MB21D2: variants seen among roughly 807,000 people sequenced by gnomAD.
MB21D2 encodes nucleotidyltransferase MB21D2.
In MB21D2, 9 loss-of-function variants were observed where a neutral mutation model predicts 33.3. That is an observed-to-expected ratio of 0.27 (90% CI 0.16 to 0.47). MB21D2 has a LOEUF of 0.47. Ranked by LOEUF, MB21D2 falls within the 20% of genes least tolerant of loss-of-function variation. MB21D2 has a pLI of 0.99. For missense variants in MB21D2, 540 were observed against 624.6 expected, an observed-to-expected ratio of 0.86 and a Z score of 1.44; for synonymous variants, 241 against 236.3, an observed-to-expected ratio of 1.02 and a Z score of -0.18.
chr3:192,896,752 C>T (rs1713982961), intron 1 of MB21D2, among the ~76,000 whole-genome samples: 1 of 152,196 alleles, frequency 6.6e-6, no homozygotes, highest in South Asian at 2.1e-4. Flanking sequence ...TGGCTAGTTA[C>T]TGAGTATCTC....
intron 1 of MB21D2, among the ~76,000 whole-genome samples, chr3:192,841,722 T>C (rs1181293590): frequency 6.6e-6 from 1 of 152,258 alleles, no homozygotes; most frequent in African/African-American, 2.4e-5. Context: ...AATATGTATT[T>C]GTTGTTTTAC....
intron 1 of MB21D2, among the ~76,000 whole-genome samples, chr3:192,863,706 G>C (rs1713102532): frequency 6.6e-6 from 1 of 152,074 alleles, no homozygotes; most frequent in South Asian, 2.1e-4. Flanking sequence ...TTGGGAGATG[G>C]AGCCTCCAGG....
intron 1 of MB21D2, among the ~76,000 whole-genome samples, chr3:192,860,340 T>G (rs1318320702): frequency 6.6e-6 from 1 of 152,252 alleles, no homozygotes; most frequent in African/African-American, 2.4e-5. Context: ...AAGGCTGTTT[T>G]TAAAATGTGG....
intron 1 of MB21D2, among the ~76,000 whole-genome samples, chr3:192,889,037 G>A (rs1713793558): frequency 6.6e-6 from 1 of 152,042 alleles, no homozygotes; most frequent in Non-Finnish European, 1.5e-5. Context: ...GCCACTGGGA[G>A]GAGCATGGAA....
At chr3:192,865,252 G>T (rs556220926) in intron 1 of MB21D2, among the ~76,000 whole-genome samples, 1 of 152,170 alleles carries the variant, frequency 6.6e-6, no homozygotes, top group Non-Finnish European at 1.5e-5. Context: ...AGCAACCCAG[G>T]GAGCTGATCA....
chr3:192,917,475 GAAGA>G (rs773632864), intron 1 of MB21D2, among the ~76,000 whole-genome samples, 151 bp downstream of exon 1: 1 of 152,170 alleles, frequency 6.6e-6, no homozygotes, highest in Non-Finnish European at 1.5e-5. Flanking sequence ...GGCGGAGAAA[GAAGA>G]GAGAGGCGGA....
Position 192,798,233 on chromosome 3 carries a change from G to A in MB21D2, c.*153C>T, listed in dbSNP as rs1175414475. On this transcript the variant is annotated 3_prime_UTR_variant, in exon 2 of 2. Transcript: ENST00000392452. This position sits in a 1 kb window ranked among gnomAD's most constrained non-coding sequence, Gnocchi z 4.8. ...TGAAATAGTAATATACTGTTTCAGA[G>A]CCTGCACCATCCTGCAGAACCAGGA... 10 of 766,310 alleles carry A rather than the reference G, an allele frequency of 1.3e-5. No homozygotes were observed. The highest frequency in any genetic ancestry group is 2.1e-5 in the Non-Finnish European group (10 of 484,796). The allele number at this position is 766,310 out of a possible 1,614,324, so 47.5% of individuals were successfully genotyped here. A position where few individuals can be genotyped will look rare whatever the true frequency, so the allele number is the denominator to read the frequency against.
intron 1 of MB21D2, among the ~76,000 whole-genome samples, chr3:192,824,951 T>C (rs1015496451): frequency 6.6e-6 from 1 of 152,212 alleles, no homozygotes; most frequent in Non-Finnish European, 1.5e-5. Context: ...TACCTTCTTA[T>C]GTAAAAGATC....
rs1447185489 is a variant in MB21D2, at chr3:192,904,723, G to A, written c.211+12907C>T. Among the ~76,000 whole-genome samples the A allele has an allele frequency of 2.6e-5, 4 of 152,318 alleles. No individual in the cohort carries two copies. In the South Asian group the frequency reaches 6.2e-4, roughly 24 times the overall value. On this transcript the variant is annotated intron_variant, in intron 1 of 1. Coordinates refer to ENST00000392452, the MANE Select transcript of MB21D2 (RefSeq NM_178496.4). ...AGAACCACGGCAGTGGAAGAACAAC[G>A]GGCAGGTGTTGAAGGGCAGTGGCCC...
chr3:192,823,184 C>T (rs568534554), intron 1 of MB21D2, among the ~76,000 whole-genome samples: 2 of 152,136 alleles, frequency 1.3e-5, no homozygotes, highest in South Asian at 2.1e-4. Context: ...GTTAACCAAA[C>T]ACATTTAAAA....
rs145374031 is a variant in MB21D2, at chr3:192,895,401, G to A, written c.211+22229C>T. 7.5e-3 allele frequency among the ~76,000 whole-genome samples: 1,136 copies of A among 152,132 alleles called. 17 individuals are homozygous for A. Among genetic ancestry groups the A allele is most frequent in the African/African-American group, 0.026 (1,070 of 41,506 alleles). ...GTAAAAATTACTAATATAAGCATCC[G>A]TTTGAAACCTCAGCTTTATTTCAAT... On this transcript the variant is annotated intron_variant, in intron 1 of 1. Transcript: ENST00000392452.
chr3:192,847,140 C>T (rs1450582359), intron 1 of MB21D2, among the ~76,000 whole-genome samples: 1 of 152,078 alleles, frequency 6.6e-6, no homozygotes, highest in Non-Finnish European at 1.5e-5. Context: ...TTCATTAATC[C>T]CCCAGACACT....
chr3:192,848,704 A>C (rs1465366598), intron 1 of MB21D2, among the ~76,000 whole-genome samples: 3 of 152,240 alleles, frequency 2.0e-5, no homozygotes, highest in Non-Finnish European at 4.4e-5. Flanking sequence ...TGTTATACAC[A>C]TGTATCTCTA....
intron 1 of MB21D2, among the ~76,000 whole-genome samples, chr3:192,846,055 G>A (rs1234552086): frequency 6.6e-6 from 1 of 152,150 alleles, no homozygotes; most frequent in Non-Finnish European, 1.5e-5. Flanking sequence ...CTGTACTCCA[G>A]CCTGAGACCC....
intron 1 of MB21D2, among the ~76,000 whole-genome samples, chr3:192,833,752 G>T (rs145455675): frequency 1.3e-5 from 2 of 152,194 alleles, no homozygotes; most frequent in African/African-American, 4.8e-5. Context: ...ACTTTAGAGC[G>T]TGGGATAGTG....
At chr3:192,817,157 T>A in intron 1 of MB21D2, among the ~76,000 whole-genome samples, 1 of 152,238 alleles carries the variant, frequency 6.6e-6, no homozygotes, top group East Asian at 1.9e-4. Context: ...TTTTAGTTTT[T>A]ATTTAGTAAT....
chr3:192,906,546 T>C (rs1714219158), intron 1 of MB21D2, among the ~76,000 whole-genome samples: 1 of 152,246 alleles, frequency 6.6e-6, no homozygotes, highest in Admixed American at 6.5e-5. Context: ...AGTCTTCAGA[T>C]GGCTGCTGCT....
intron 1 of MB21D2, among the ~76,000 whole-genome samples, chr3:192,815,913 T>C (rs111549257): frequency 8.9e-4 from 135 of 152,254 alleles, no homozygotes; most frequent in Non-Finnish European, 1.7e-3. Flanking sequence ...TTAAGGACAA[T>C]TGGCGCCCAT....
intron 1 of MB21D2, among the ~76,000 whole-genome samples, chr3:192,869,262 AAAGAAAGG>A (rs1183117044): frequency 7.5e-6 from 1 of 132,602 alleles, no homozygotes; most frequent in Non-Finnish European, 1.5e-5. Flanking sequence ...TGTCAAAAAA[AAAGAAAGG>A]AAGGAAGGAA....
Sources: allele counts gnomAD v4.1 joint callset (sites outside exome capture counted in the v4.1 genomes callset), GRCh38; gene constraint gnomAD v4.1.1; non-coding constraint Gnocchi (gnomAD v3.1); transcripts MANE v1.5; gene names NCBI Gene and HGNC (gene_info 2026-07-23, HGNC 2026-07-21).